RFX3: variants seen among roughly 807,000 people sequenced by gnomAD.
RFX3 encodes the protein regulatory factor X3.
A neutral mutation model predicts 98.6 loss-of-function variants in RFX3; 14 were observed. The ratio of observed to expected loss-of-function variants is 0.14; its 90% CI spans 0.09 to 0.22. The LOEUF (loss-of-function observed/expected upper bound fraction) is 0.22, where lower values mean the gene tolerates loss of function less well. Ranked by LOEUF, RFX3 falls within the 10% of genes least tolerant of loss-of-function variation. RFX3 has a pLI of 1.00. For synonymous variants in RFX3, 383 were observed against 328.4 expected, an observed-to-expected ratio of 1.17 and a Z score of -1.80; for missense variants, 639 against 926.9, an observed-to-expected ratio of 0.69 and a Z score of 4.03.
At chr9:3,457,409 CTTTCT>C (rs1847289312) in intron 1 of RFX3, among the ~76,000 whole-genome samples, 1 of 152,172 alleles carries the variant, frequency 6.6e-6, no homozygotes, top group South Asian at 2.1e-4. Context: ...ATTGCTTTGC[CTTTCT>C]TAACTTCAAT....
In RFX3 at chr9:3,409,429, C is replaced by T. The variant is rs183976638; in HGVS notation, c.-8-13833G>A. Among the ~76,000 whole-genome samples, 358 of 152,290 alleles carry T rather than the reference C, an allele frequency of 2.4e-3. 1 individual carries two copies. Among genetic ancestry groups the T allele is most frequent in the Non-Finnish European group, 3.8e-3 (261 of 68,020 alleles). ...TGCGTTAGACTGTTAAATAATTCTA[C>T]TGCGAAATATCAGGGTTGAAATTGC... On this transcript the variant is annotated intron_variant, in intron 1 of 16. Transcript: ENST00000617270.
At chr9:3,505,755 C>T (rs1412410821) in intron 1 of RFX3, among the ~76,000 whole-genome samples, 2 of 150,216 alleles carry the variant, frequency 1.3e-5, no homozygotes, top group South Asian at 2.1e-4. Flanking sequence ...TTCTCCACCC[C>T]CATCATTTAC....
intron 2 of RFX3, among the ~76,000 whole-genome samples, chr9:3,394,256 G>T (rs1052341296): frequency 6.6e-6 from 1 of 152,156 alleles, no homozygotes; most frequent in Non-Finnish European, 1.5e-5. Context: ...GAGGTCAGGA[G>T]ATCGAGACCA....
chr9:3,251,796 G>C (rs1684768365), intron 14 of RFX3, among the ~76,000 whole-genome samples: 1 of 152,074 alleles, frequency 6.6e-6, no homozygotes, highest in South Asian at 2.1e-4. Flanking sequence ...TACAGAATGA[G>C]TCTTTCTTTA....
chr9:3,344,042 T>C (rs187132849), intron 3 of RFX3, among the ~76,000 whole-genome samples: 21 of 152,312 alleles, frequency 1.4e-4, no homozygotes, highest in Middle Eastern at 3.4e-3. Context: ...AATGAATGAA[T>C]TCATTCAACT....
chr9:3,395,427 A>C, intron 2 of RFX3, 45 bp downstream of exon 2: 3 of 1,601,930 alleles, frequency 1.9e-6, no homozygotes, highest in Middle Eastern at 1.7e-4. Context: ...GACAGCCAAC[A>C]TAATGAAAGT....
chr9:3,432,787 T>C lies in RFX3; in HGVS notation c.-8-37191A>G, dbSNP rs139784525. On this transcript the variant is annotated intron_variant, in intron 1 of 16. Transcript: ENST00000617270. ...AGACAATATGGCAGAAGGGTTCCAA[T>C]TACTCAAGATAGCTTTTGGTTTCTT... is the stretch of plus-strand genomic sequence containing the variant. Among the ~76,000 whole-genome samples, 57 of 152,278 alleles carry C rather than the reference T, an allele frequency of 3.7e-4. No individual in the cohort carries two copies. In the East Asian group the frequency reaches 0.011, roughly 28 times the overall value.
intron 7 of RFX3, among the ~76,000 whole-genome samples, chr9:3,281,878 T>C (rs1285714002): frequency 6.6e-6 from 1 of 151,742 alleles, no homozygotes; most frequent in African/African-American, 2.4e-5. Flanking sequence ...ATGGTATATA[T>C]TTACCATTAC....
In RFX3 at chr9:3,303,214, C is replaced by T. The variant is rs1169253452; in HGVS notation, c.475-1594G>A. Among the ~76,000 whole-genome samples the T allele has an allele frequency of 2.0e-5, 3 of 151,720 alleles. No homozygotes were observed. The Admixed American group carries it at 2.0e-4, about 10-fold the overall frequency. ...TGCACAAATGAAAAGAGATATATTACAGAAAGAGTAATGTAAATGTAATGA... is the reference window on the plus strand; with the variant it reads ...TGCACAAATGAAAAGAGATATATTATAGAAAGAGTAATGTAAATGTAATGA... On this transcript the variant is annotated intron_variant, in intron 4 of 16. Transcript: ENST00000617270.
chr9:3,503,475 G>A (rs1393935242), intron 1 of RFX3, among the ~76,000 whole-genome samples: 1 of 152,006 alleles, frequency 6.6e-6, no homozygotes, highest in Non-Finnish European at 1.5e-5. Flanking sequence ...CTGTGAAACT[G>A]TACATTTCAT....
In RFX3 at chr9:3,423,809, A is replaced by ATATATATC. The variant is rs1484813389; in HGVS notation, c.-8-28214_-8-28213insGATATATA. ...TATATATATATATATATATATATATATATCTTAAGGTAATTTTTAAAAAGA... is the reference window on the plus strand; with the variant it reads ...TATATATATATATATATATATATATATATATATCTATCTTAAGGTAATTTTTAAAAAGA... On this transcript the variant is annotated intron_variant, in intron 1 of 16. Coordinates refer to ENST00000617270, the MANE Select transcript of RFX3 (RefSeq NM_001282116.2). Among the ~76,000 whole-genome samples, 5 of 138,942 alleles carry ATATATATC rather than the reference A, an allele frequency of 3.6e-5. No individual in the cohort carries two copies. The South Asian group carries it at 6.7e-4, about 19-fold the overall frequency. The allele number at this position is 138,942 out of a possible 152,430, so 91.2% of individuals were successfully genotyped here.
chr9:3,345,913 C>A (rs16917267), intron 3 of RFX3, among the ~76,000 whole-genome samples: 9,108 of 152,128 alleles, frequency 0.06, 909 homozygotes, highest in African/African-American at 0.21. Flanking sequence ...GGTTATCATC[C>A]TGGAGTATAC....
At chr9:3,416,268 A>G (rs1425232982) in intron 1 of RFX3, among the ~76,000 whole-genome samples, 7 of 152,190 alleles carry the variant, frequency 4.6e-5, no homozygotes, top group Non-Finnish European at 8.8e-5. Flanking sequence ...TAAGGTGATT[A>G]TTCTCCATAT....
At chr9:3,457,280 G>A (rs1847279458) in intron 1 of RFX3, among the ~76,000 whole-genome samples, 1 of 149,192 alleles carries the variant, frequency 6.7e-6, no homozygotes, top group African/African-American at 2.5e-5. Context: ...ATGATCTTTA[G>A]TTTTCTGGCA....
intron 15 of RFX3, among the ~76,000 whole-genome samples, chr9:3,237,031 A>G (rs1170314724): frequency 1.3e-5 from 2 of 152,196 alleles, no homozygotes; most frequent in Non-Finnish European, 2.9e-5. Context: ...TTGGGAAGCA[A>G]CCTTTTAACT....
chr9:3,331,930 G>A (rs1347962690), intron 3 of RFX3, among the ~76,000 whole-genome samples: 1 of 152,076 alleles, frequency 6.6e-6, no homozygotes, highest in Non-Finnish European at 1.5e-5. Context: ...TGAAATATGG[G>A]AGGCTGTGTA....
At chr9:3,454,140 T>C (rs1169454870) in intron 1 of RFX3, among the ~76,000 whole-genome samples, 1 of 152,174 alleles carries the variant, frequency 6.6e-6, no homozygotes, top group East Asian at 1.9e-4. Context: ...TCCTTTCCTG[T>C]CTCAAAAAAG....
intron 3 of RFX3, among the ~76,000 whole-genome samples, chr9:3,345,452 T>C (rs1834351293): frequency 6.6e-6 from 1 of 152,146 alleles, no homozygotes; most frequent in Admixed American, 6.5e-5. Flanking sequence ...GCAGTAGTGA[T>C]GTGGGTAGAT....
chr9:3,313,487 G>C (rs779993011), intron 4 of RFX3, among the ~76,000 whole-genome samples: 1 of 152,194 alleles, frequency 6.6e-6, no homozygotes, highest in African/African-American at 2.4e-5. Flanking sequence ...GCAGCTCCCC[G>C]CCAGCAACGG....
Sources: gnomAD v4.1 joint callset for allele counts (sites outside exome capture counted in the v4.1 genomes callset) on GRCh38, gnomAD v4.1.1 for gene constraint, MANE v1.5 for transcripts, NCBI Gene and HGNC (gene_info 2026-07-23, HGNC 2026-07-21) for gene names.